Variants in SUSD2 observed in about 807,000 individuals in gnomAD.
SUSD2 encodes the protein sushi domain containing 2.
In SUSD2, 86 loss-of-function variants were observed where a neutral mutation model predicts 93.8. The observed-to-expected ratio is 0.92, with a 90% CI of 0.77 to 1.10. SUSD2 has a LOEUF of 1.10. Among genes scored for constraint, SUSD2 ranks in the 50% least tolerant of loss-of-function variants. SUSD2 has a pLI of 0.00. For missense variants in SUSD2, 1,060 were observed against 1,137.0 expected (o/e 0.93, Z 0.97); for synonymous variants, 483 against 485.0 (o/e 1.00, Z 0.05).
At chr22:24,186,831 A>G (rs1311281982) in intron 10 of SUSD2, 4 of 408,100 alleles carry the variant, frequency 9.8e-6, no homozygotes, top group African/African-American at 2.0e-5. Flanking sequence ...AACTGAGTCA[A>G]TGAAAGGATT....
Position 24,187,448 on chromosome 22 carries a change from A to G in SUSD2, c.1889A>G (p.Asn630Ser). 1 of 1,612,740 alleles carries G rather than the reference A, an allele frequency of 6.2e-7. No individual in the cohort carries two copies. The highest frequency in any genetic ancestry group is 2.2e-5 in the East Asian group (1 of 44,872). The change falls in exon 11 of 15, where the codon AAC becomes AGC. Residue 630 changes from asparagine (N) to serine (S), a missense_variant and splice_region_variant. Around this residue, in one of 2 missense-constraint regions of SUSD2, gnomAD observed 973 missense variants for 1,005.3 expected, o/e 0.97. Coordinates refer to ENST00000358321, the MANE Select transcript of SUSD2 (RefSeq NM_019601.4). ...SPQELFLFGA[N>S]WTVHNASSLL... is the part of the protein sequence containing the mutation. Reference sequence around the variant, plus strand: ...CAGGAGCTGTTCCTGTTTGGGGCCAACTGTGAGTGACCGTGGAGTATATGG... The same window carrying G: ...CAGGAGCTGTTCCTGTTTGGGGCCAGCTGTGAGTGACCGTGGAGTATATGG...
Position 24,187,587 on chromosome 22 carries a change from G to GCACAA in SUSD2, c.1908_1909insCACAA (p.Ser637HisfsTer65), listed in dbSNP as rs757172065. ...ATCTTCCAGGGACCGTGCACAATGC[G>GCACAA]TCCTCCCTGCTCACCTACGATTCCT... On this transcript the variant is annotated frameshift_variant, in exon 12 of 15. Coordinates refer to ENST00000358321, the MANE Select transcript of SUSD2 (RefSeq NM_019601.4). LOFTEE classifies it high-confidence loss of function. The GCACAA allele has an allele frequency of 1.1e-4, 183 of 1,612,760 alleles. No homozygotes were observed. The highest frequency in any genetic ancestry group is 1.5e-4 in the Non-Finnish European group (179 of 1,179,216).
Position 24,185,300 on chromosome 22 carries a change from G to A in SUSD2, c.984+5G>A. 1 of 1,602,564 alleles carries A rather than the reference G, an allele frequency of 6.2e-7. No individual in the cohort carries two copies. The highest frequency in any genetic ancestry group is 8.5e-7 in the Non-Finnish European group (1 of 1,179,364). ...GCTGACTCCGGCCGCTTCTTCGTGA[G>A]CCTCCCATCAGGGCCCAGGAGAGGG... On this transcript the variant is annotated splice_donor_5th_base_variant and intron_variant, in intron 6 of 14. Coordinates refer to ENST00000358321, the MANE Select transcript of SUSD2 (RefSeq NM_019601.4).
rs753229853 is a variant in SUSD2 at position 24,185,273 on chromosome 22, G to A, written c.962G>A (p.Arg321Gln). The change falls in exon 6 of 15, where the codon CGG (arginine) becomes CAG (glutamine). Residue 321 changes from arginine (R) to glutamine (Q), a missense_variant. Arg to Gln is a conservative substitution (Grantham distance 43). Coordinates refer to ENST00000358321, the MANE Select transcript of SUSD2 (RefSeq NM_019601.4). ...TGCCCCTGCACCCTGACCCAGGCCC[G>A]GGCTGACTCCGGCCGCTTCTTCGTG... ...PDCPCTLTQA[R>Q]ADSGRFFTDY... 34 of 1,605,018 alleles carry A rather than the reference G, an allele frequency of 2.1e-5. 1 individual carries two copies. The highest frequency in any genetic ancestry group is 7.7e-5 in the South Asian group (7 of 90,968).
chr22:24,186,393 G>A lies in SUSD2; in HGVS notation c.1620G>A (p.Glu540=), dbSNP rs935285721. Residue 540 remains glutamate (E), a synonymous_variant, in exon 10 of 15, where the codon GAG becomes GAA. Transcript: ENST00000358321. ...LLNQEVLSFT[E]QSWMDLKGMF... ...ACCAGGAGGTGCTGAGCTTCACCGA[G>A]CAGAGCTGGATGGACCTGAAAGGTG... 1 of 1,613,588 alleles carries A rather than the reference G, an allele frequency of 6.2e-7. No homozygotes were observed. The highest frequency in any genetic ancestry group is 8.5e-7 in the Non-Finnish European group (1 of 1,180,032).
Position 24,183,532 on chromosome 22 carries a change from T to G in SUSD2, c.325T>G (p.Ser109Ala). Residue 109 changes from serine (S) to alanine (A), a missense_variant, in exon 3 of 15, where the codon TCC (serine) becomes GCC (alanine). This residue lies in a region of SUSD2 where 973 missense variants were observed against 1,005.3 expected (regional missense o/e 0.97). Transcript: ENST00000358321. Reference sequence around the variant, plus strand: ...CATCCAGACCCTCGGCCATGTGGACTCCTCCGGGCAAGTGCACTGTGTGTC... The same window carrying G: ...CATCCAGACCCTCGGCCATGTGGACGCCTCCGGGCAAGTGCACTGTGTGTC... ...DSIQTLGHVD[S>A]SGQVHCVSPL... is the part of the protein sequence containing the mutation. 2 of 1,613,202 alleles carry G rather than the reference T, an allele frequency of 1.2e-6. No homozygotes were observed. Among genetic ancestry groups the G allele is most frequent in the Non-Finnish European group, 1.7e-6 (2 of 1,179,974 alleles).
Position 24,184,981 on chromosome 22 carries a change from C to T in SUSD2, c.782+41C>T, listed in dbSNP as rs773007921. 5 of 1,611,348 alleles carry T rather than the reference C, an allele frequency of 3.1e-6. No individual in the cohort carries two copies. The African/African-American group carries it at 4.0e-5, about 13-fold the overall frequency. On this transcript the variant is annotated intron_variant, in intron 5 of 14. Transcript: ENST00000358321. ...TGTGCAGGTGATGGCTGGAGGGCCT[C>T]GCCGCCCGAGGCCCATCATGCTTGC...
Position 24,188,551 on chromosome 22 carries a change from GGCATTTAACCCCCT to G in SUSD2, c.*116_*129del. The G allele has an allele frequency of 1.0e-6, 1 of 999,538 alleles. No individual in the cohort carries two copies. Among genetic ancestry groups the G allele is most frequent in the Non-Finnish European group, 1.5e-6 (1 of 664,404 alleles). The allele number at this position is 999,538 out of a possible 1,614,324, so 61.9% of individuals were successfully genotyped here. ...CTGGGACCTGGATACTTGATACCTG[GGCATTTAACCCCCT>G]ACTCTGTCATCTCAGACCCCAGGCA... is the stretch of plus-strand genomic sequence containing the variant. On this transcript the variant is annotated 3_prime_UTR_variant, in exon 15 of 15. Coordinates refer to ENST00000358321, the MANE Select transcript of SUSD2 (RefSeq NM_019601.4). The surrounding 1 kb of genome is among the most constrained non-coding windows in gnomAD (Gnocchi z 4.7).
Position 24,188,183 on chromosome 22 carries a change from C to T in SUSD2, c.2342-42C>T, listed in dbSNP as rs771028069. The T allele has an allele frequency of 6.3e-7, 1 of 1,594,150 alleles. No homozygotes were observed. The highest frequency in any genetic ancestry group is 8.6e-7 in the Non-Finnish European group (1 of 1,166,864). On this transcript the variant is annotated intron_variant, in intron 13 of 14. Coordinates refer to ENST00000358321, the MANE Select transcript of SUSD2 (RefSeq NM_019601.4). The surrounding 1 kb of genome is among the most constrained non-coding windows in gnomAD (Gnocchi z 4.7). ...CCTGCCTGCACCTGTCCCCACTCACCACCCCAGAGAGCCCCCTCACTGACA... is the reference window on the plus strand; with the variant it reads ...CCTGCCTGCACCTGTCCCCACTCACTACCCCAGAGAGCCCCCTCACTGACA...
chr22:24,187,049 C>T, intron 10 of SUSD2, 153 bp from the exon 11 acceptor site: 1 of 976,628 alleles, frequency 1.0e-6, no homozygotes, highest in Non-Finnish European at 1.5e-6. Context: ...GGCGGAGGGT[C>T]ATGGTCAGCA....
Position 24,185,505 on chromosome 22 carries a change from T to C in SUSD2, c.1004T>C (p.Met335Thr). The C allele has an allele frequency of 2.5e-6, 4 of 1,570,082 alleles. No homozygotes were observed. In the African/African-American group the frequency reaches 5.4e-5, roughly 21 times the overall value. Residue 335 changes from methionine to threonine, a missense_variant, in exon 7 of 15, where the codon ATG becomes ACG. This residue lies in a region of SUSD2 where 973 missense variants were observed against 1,005.3 expected (regional missense o/e 0.97). Coordinates refer to ENST00000358321, the MANE Select transcript of SUSD2 (RefSeq NM_019601.4). ...CTGCAGACGGACTACGGCTGTGACA[T>C]GGAGCAGGGCAGCGTGTGCACCTAC... The part of the protein sequence containing the change: ...GRFFTDYGCD[M>T]EQGSVCTYHP...
At position 24,188,598 on chromosome 22, in the gene SUSD2, C is replaced by T. The variant is rs1256153861; in HGVS notation, c.*162C>T. 1.2e-5 allele frequency: 8 copies of T among 671,296 alleles called. No individual in the cohort carries two copies. The highest frequency in any genetic ancestry group is 1.9e-5 in the South Asian group (1 of 53,632). The allele number at this position is 671,296 out of a possible 1,614,324, so 41.6% of individuals were successfully genotyped here. ...CATCTCAGACCCCAGGCAGGAGGCC[C>T]AGTGTTCCAACACCCAAGCCCCGTG... On this transcript the variant is annotated 3_prime_UTR_variant, in exon 15 of 15. Coordinates refer to ENST00000358321, the MANE Select transcript of SUSD2 (RefSeq NM_019601.4). The surrounding 1 kb of genome is among the most constrained non-coding windows in gnomAD (Gnocchi z 4.7).
At chr22:24,184,106 C>T (rs1220528676) in intron 3 of SUSD2, 30 bp from the exon 4 acceptor site, 1 of 1,609,768 alleles carries the variant, frequency 6.2e-7, no homozygotes, top group Non-Finnish European at 8.5e-7. Context: ...GGGCCCAGGC[C>T]CTCACTCACC....
chr22:24,182,884 C>T (rs112707040), intron 1 of SUSD2, 173 bp from the exon 2 acceptor site: 14 of 605,738 alleles, frequency 2.3e-5, no homozygotes, highest in African/African-American at 9.3e-5. Flanking sequence ...CCCATCCCCA[C>T]GGGCCCTGTG....
intron 10 of SUSD2, 128 bp downstream of exon 10, chr22:24,186,543 C>T (rs1832948240): frequency 3.4e-6 from 4 of 1,175,752 alleles, no homozygotes. Context: ...GGTGGTCCGA[C>T]CTCAGGCCTT....
rs541394992 is a variant in SUSD2, at chr22:24,184,174, T to C, written c.478T>C (p.Leu160=). ...NKVSMMEKSE[L]VNETRWQYYG... ...AGTGTCAATGATGGAGAAGAGCGAG[T>C]TGGTGAACGAGACGCGTTGGCAATA... The change falls in exon 4 of 15, where the codon TTG becomes CTG. Residue 160 remains leucine (L), a synonymous_variant. Transcript: ENST00000358321. 5.5e-5 allele frequency: 89 copies of C among 1,612,652 alleles called. 1 individual carries two copies. The South Asian group carries it at 8.7e-4, about 16-fold the overall frequency.
rs767029016 is a variant in SUSD2 at position 24,186,021 on chromosome 22, G to A, written c.1345G>A (p.Ala449Thr). ...ACCCTCCACTCTCACCCTAGCCTCC[G>A]CCTTCGGAGACCCACACTTTGTGAC... ...RNYRPPRLAS[A>T]FGDPHFVTFD... is the part of the protein sequence containing the mutation. The change falls in exon 9 of 15, where the codon GCC becomes ACC. Residue 449 changes from alanine to threonine, a missense_variant. Coordinates refer to ENST00000358321, the MANE Select transcript of SUSD2 (RefSeq NM_019601.4). The A allele has an allele frequency of 6.8e-6, 11 of 1,607,780 alleles. No individual in the cohort carries two copies. The highest frequency in any genetic ancestry group is 8.5e-6 in the Non-Finnish European group (10 of 1,176,488).
rs1198357531 is a variant in SUSD2, at chr22:24,184,812, C to T, written c.654C>T (p.Tyr218=). Residue 218 remains tyrosine, a synonymous_variant, in exon 5 of 15, where the codon TAC becomes TAT. Transcript: ENST00000358321. ...GGACTGCAAAGTGGTCGTACCTGTA[C>T]CCCCTGGCCACACACATCCCCAACT... is the stretch of plus-strand genomic sequence containing the variant. ...QEWTAKWSYL[Y]PLATHIPNSG... The T allele has an allele frequency of 2.5e-6, 4 of 1,612,158 alleles. No individual in the cohort carries two copies. Among genetic ancestry groups the T allele is most frequent in the East Asian group, 2.2e-5 (1 of 44,898 alleles).
chr22:24,186,797 A>C, intron 10 of SUSD2: 1 of 399,728 alleles, frequency 2.5e-6, no homozygotes, highest in Non-Finnish European at 4.6e-6. Context: ...TGGTAGCTCC[A>C]CATCTGAACC....
Sources: gnomAD v4.1 joint callset for allele counts on GRCh38, gnomAD v4.1.1 for gene constraint, gnomAD v4.1.1 regional missense constraint, Gnocchi (gnomAD v3.1) non-coding constraint, MANE v1.5 for transcripts, NCBI Gene and HGNC (gene_info 2026-07-23, HGNC 2026-07-21) for gene names.